ZNF536: variants seen among roughly 807,000 people sequenced by gnomAD.
ZNF536 encodes the protein zinc finger protein 536.
In ZNF536, 13 loss-of-function variants were observed where a neutral mutation model predicts 84.5. The observed-to-expected ratio is 0.15, with a 90% confidence interval of 0.10 to 0.24. The LOEUF (loss-of-function observed/expected upper bound fraction) is 0.24, where lower values mean the gene tolerates loss of function less well. Among genes scored for constraint, ZNF536 ranks in the 10% least tolerant of loss-of-function variants. The probability of loss-of-function intolerance (pLI) is 1.00; values close to 1 mark genes in which losing one functional copy is unlikely to be tolerated. For missense variants in ZNF536, 1,536 were observed against 1,747.5 expected, an observed-to-expected ratio of 0.88 and a Z score of 2.16; for synonymous variants, 811 against 742.5, an observed-to-expected ratio of 1.09 and a Z score of -1.50.
At chr19:30,245,947 T>C (rs2024241864) in intron 1 of ZNF536, among the ~76,000 whole-genome samples, 1 of 152,188 alleles carries the variant, frequency 6.6e-6, no homozygotes, top group African/African-American at 2.4e-5. Flanking sequence ...GAGCCAGCTG[T>C]GTGGAGCCCT....
chr19:30,586,600 G>T (rs1220045526), intron 1 of ZNF536, among the ~76,000 whole-genome samples: 3 of 152,048 alleles, frequency 2.0e-5, no homozygotes, highest in Non-Finnish European at 4.4e-5. Context: ...TTTTAAAAAG[G>T]CTCTCCTGGC....
chr19:30,299,792 TC>T (rs1373700194), intron 2 of ZNF536, among the ~76,000 whole-genome samples: 1 of 152,192 alleles, frequency 6.6e-6, no homozygotes, highest in Non-Finnish European at 1.5e-5. Flanking sequence ...AACATAATAT[TC>T]CTTAATTAAT....
At chr19:30,596,485 C>T (rs1212418294) in intron 1 of ZNF536, among the ~76,000 whole-genome samples, 2 of 152,152 alleles carry the variant, frequency 1.3e-5, no homozygotes, top group East Asian at 3.9e-4. Flanking sequence ...TCCCCTGACA[C>T]GCCAGCAGCG....
chr19:30,618,691 T>G (rs1000460520), intron 1 of ZNF536, among the ~76,000 whole-genome samples: 1 of 152,180 alleles, frequency 6.6e-6, no homozygotes, highest in Non-Finnish European at 1.5e-5. Context: ...AATATTCTAA[T>G]AGTTACCTTT....
intron 1 of ZNF536, among the ~76,000 whole-genome samples, chr19:30,689,612 T>C (rs759982573): frequency 8.5e-5 from 13 of 152,220 alleles, no homozygotes; most frequent in African/African-American, 1.9e-4. Flanking sequence ...CAAAGGTACA[T>C]GGCCCTGGCC....
intron 2 of ZNF536, among the ~76,000 whole-genome samples, chr19:30,502,231 G>A (rs574318405): frequency 1.3e-4 from 20 of 152,282 alleles, no homozygotes; most frequent in African/African-American, 4.3e-4. Context: ...GAATGGAACT[G>A]CATGTTGAAT....
At chr19:30,347,886 G>A (rs1383976006) in intron 2 of ZNF536, among the ~76,000 whole-genome samples, 1 of 152,300 alleles carries the variant, frequency 6.6e-6, no homozygotes, top group African/African-American at 2.4e-5. Context: ...GACAAAGATG[G>A]GTGACCAAAC....
At chr19:30,239,420 T>C (rs1250836666) in intron 1 of ZNF536, among the ~76,000 whole-genome samples, 1 of 152,186 alleles carries the variant, frequency 6.6e-6, no homozygotes, top group Non-Finnish European at 1.5e-5. Context: ...CCTATGTCAG[T>C]GACATGTAGG....
chr19:30,398,859 T>C (rs1404536414), intron 1 of ZNF536, among the ~76,000 whole-genome samples: 3 of 152,240 alleles, frequency 2.0e-5, no homozygotes, highest in East Asian at 3.8e-4. Flanking sequence ...CTATTGTGAA[T>C]AGTGCTGCAA....
intron 2 of ZNF536, among the ~76,000 whole-genome samples, chr19:30,301,273 C>T (rs2046173443): frequency 3.3e-5 from 5 of 152,198 alleles, no homozygotes; most frequent in Admixed American, 3.3e-4. Context: ...AACCTCTTCA[C>T]ATGATAATTT....
At chr19:30,279,556 T>C (rs1385399939) in intron 1 of ZNF536, among the ~76,000 whole-genome samples, 1 of 152,098 alleles carries the variant, frequency 6.6e-6, no homozygotes, top group African/African-American at 2.4e-5. Flanking sequence ...GGAGCTGCGG[T>C]TTTTTGGTAG....
At chr19:30,605,147 T>G (rs2047824216) in intron 1 of ZNF536, among the ~76,000 whole-genome samples, 1 of 152,200 alleles carries the variant, frequency 6.6e-6, no homozygotes, top group South Asian at 2.1e-4. Flanking sequence ...AGGAAGGTAA[T>G]AGTGGATGGT....
chr19:30,311,361 A>G (rs189347776), intron 2 of ZNF536, among the ~76,000 whole-genome samples: 26 of 152,346 alleles, frequency 1.7e-4, no homozygotes, highest in Admixed American at 1.5e-3. Flanking sequence ...ATGAAGCTGT[A>G]GCATTAAGTG....
chr19:30,236,527 G>A (rs1395739685), intron 1 of ZNF536, among the ~76,000 whole-genome samples: 2 of 140,324 alleles, frequency 1.4e-5, no homozygotes, highest in Admixed American at 7.1e-5. Flanking sequence ...TTAAAGTTGG[G>A]GCGGGGGGGG....
rs79222405 is a variant in ZNF536 at position 30,453,556 on chromosome 19, T to C, written c.2170+7824T>C. On this transcript the variant is annotated intron_variant, in intron 2 of 4. Transcript: ENST00000355537. ...TTAGCAGAATATAAGAAATGAATGC[T>C]GTGCCTCTGAAATGTGCCTGTGAGA... 1.0e-3 allele frequency among the ~76,000 whole-genome samples: 154 copies of C among 152,360 alleles called. 4 individuals are homozygous for C. In the East Asian group the frequency reaches 0.029, roughly 29 times the overall value.
At chr19:30,386,170 T>C (rs559803788) in intron 1 of ZNF536, among the ~76,000 whole-genome samples, 1 of 152,220 alleles carries the variant, frequency 6.6e-6, no homozygotes, top group African/African-American at 2.4e-5. Context: ...CCAGCCACTT[T>C]TTCTCCTTCA....
intron 1 of ZNF536, among the ~76,000 whole-genome samples, chr19:30,264,758 G>A (rs2025413402): frequency 6.6e-6 from 1 of 152,026 alleles, no homozygotes; most frequent in Non-Finnish European, 1.5e-5. Flanking sequence ...TGCAGCTGAG[G>A]GTCAGTTGCT....
At chr19:30,377,459 G>A (rs1276556230) in intron 1 of ZNF536, among the ~76,000 whole-genome samples, 4 of 152,134 alleles carry the variant, frequency 2.6e-5, no homozygotes, top group Non-Finnish European at 4.4e-5. Flanking sequence ...AATTCAGGGC[G>A]AGTCCGCAGT....
chr19:30,648,967 C>T (rs2049584976), intron 1 of ZNF536, among the ~76,000 whole-genome samples: 1 of 152,196 alleles, frequency 6.6e-6, no homozygotes, highest in Non-Finnish European at 1.5e-5. Context: ...TTCACTGTTT[C>T]TCCGACCACT....
Sources: gnomAD v4.1 joint callset for allele counts (sites outside exome capture counted in the v4.1 genomes callset) on GRCh38, gnomAD v4.1.1 for gene constraint, MANE v1.5 for transcripts, NCBI Gene and HGNC (gene_info 2026-07-23, HGNC 2026-07-21) for gene names.